The following KPNA5 variants were observed in gnomAD, a reference collection of about 807,000 sequenced individuals.
KPNA5 encodes karyopherin subunit alpha 5, also known as importin subunit alpha-6.
KPNA5 carries 46 observed loss-of-function variants against 71.3 expected under a neutral mutation model. That is an observed-to-expected ratio of 0.65 (90% CI 0.51 to 0.83). The LOEUF is 0.83. Among genes scored for constraint, KPNA5 ranks in the 40% least tolerant of loss-of-function variants. KPNA5 has a pLI of 0.00. For missense variants in KPNA5, 547 were observed against 628.3 expected, an observed-to-expected ratio of 0.87 and a Z score of 1.38; for synonymous variants, 207 against 201.4, an observed-to-expected ratio of 1.03 and a Z score of -0.24.
Position 116,689,290 on chromosome 6 carries a change from G to A in KPNA5, c.5-30G>A, listed in dbSNP as rs1443812332. On this transcript the variant is annotated intron_variant, in intron 1 of 13. Coordinates refer to ENST00000368564, the MANE Select transcript of KPNA5 (RefSeq NM_001366306.2). ...GTTGTTTTGAGAGAGTGAGTTATCA[G>A]TGTCTGTTTTCTTTTCTCCTTCCTT... is the stretch of plus-strand genomic sequence containing the variant. 4 of 1,593,686 alleles carry A rather than the reference G, an allele frequency of 2.5e-6. No individual in the cohort carries two copies. The African/African-American group carries it at 5.4e-5, about 22-fold the overall frequency.
rs1053262064 is a variant in KPNA5 at position 116,740,419 on chromosome 6, T to G, written c.*8096T>G. ...TGGGACTGTAAACTAGTTCAAGCAT[T>G]GTGGAAGTCAGTTTGGCGATTCCTC... On this transcript the variant is annotated 3_prime_UTR_variant, in exon 14 of 14. Coordinates refer to ENST00000368564, the MANE Select transcript of KPNA5 (RefSeq NM_001366306.2). 1 of 152,180 alleles carries G rather than the reference T, an allele frequency of 6.6e-6. No individual in the cohort carries two copies. Among genetic ancestry groups the G allele is most frequent in the African/African-American group, 2.4e-5 (1 of 41,432 alleles). The allele number at this position is 152,180 out of a possible 1,614,324, so 9.4% of individuals were successfully genotyped here. A position where few individuals can be genotyped will look rare whatever the true frequency, so the allele number is the denominator to read the frequency against.
Position 116,726,483 on chromosome 6 carries a change from T to C in KPNA5, c.1126-12T>C. 3.1e-6 allele frequency: 5 copies of C among 1,604,346 alleles called. No homozygotes were observed. The highest frequency in any genetic ancestry group is 1.1e-5 in the South Asian group (1 of 89,852). On this transcript the variant is annotated splice_polypyrimidine_tract_variant and intron_variant, in intron 11 of 13. Transcript: ENST00000368564. ...AGTATTTGTACTGATTATATATTTTTCCCCCTCTCAGGCTGTTATAGATGC... is the reference window on the plus strand; with the variant it reads ...AGTATTTGTACTGATTATATATTTTCCCCCCTCTCAGGCTGTTATAGATGC...
chr6:116,701,937 T>C (rs1778245698), intron 5 of KPNA5, 82 bp from the exon 6 acceptor site: 2 of 1,306,752 alleles, frequency 1.5e-6, no homozygotes, highest in Admixed American at 2.2e-5. Context: ...TCCTGGCAGG[T>C]CTTTACTCCC....
At chr6:116,724,503 G>T in intron 10 of KPNA5, 128 bp downstream of exon 10, 1 of 583,940 alleles carries the variant, frequency 1.7e-6, no homozygotes, top group Non-Finnish European at 3.1e-6. Flanking sequence ...GTCTGTATCT[G>T]TGTCTTGGAG....
chr6:116,681,479 C>A, intron 1 of KPNA5, 141 bp downstream of exon 1: 4 of 1,386,474 alleles, frequency 2.9e-6, no homozygotes, highest in South Asian at 1.7e-5. Flanking sequence ...GGGTGTTTCT[C>A]GTGTTTTCCC....
chr6:116,692,468 A>T (rs566714092), intron 4 of KPNA5, 76 bp downstream of exon 4: 60 of 858,420 alleles, frequency 7.0e-5, no homozygotes, highest in African/African-American at 2.3e-4. Context: ...GTTTTTTTTT[A>T]AATTTTAAAA....
rs1254697139 is a variant in KPNA5, at chr6:116,739,883, C to G, written c.*7560C>G. On this transcript the variant is annotated 3_prime_UTR_variant, in exon 14 of 14. Coordinates refer to ENST00000368564, the MANE Select transcript of KPNA5 (RefSeq NM_001366306.2). ...AAAGACTTAAACATTAGACCAAAAA[C>G]CATAAAAACCCTAGAAGAAAACCTA... is the stretch of plus-strand genomic sequence containing the variant. 1.3e-5 allele frequency: 2 copies of G among 151,886 alleles called. No individual in the cohort carries two copies. The highest frequency in any genetic ancestry group is 2.4e-5 in the African/African-American group (1 of 41,270). 9.4% of individuals were successfully genotyped at this position (151,886 alleles called of 1,614,324 possible).
chr6:116,717,113 C>G (rs543116324), intron 8 of KPNA5, among the ~76,000 whole-genome samples: 2 of 151,970 alleles, frequency 1.3e-5, no homozygotes, highest in Non-Finnish European at 2.9e-5. Flanking sequence ...CCCTTTTAAC[C>G]GAGGTGAAGA....
intron 7 of KPNA5, among the ~76,000 whole-genome samples, chr6:116,709,962 T>C (rs1778591337): frequency 1.3e-5 from 2 of 152,114 alleles, no homozygotes; most frequent in African/African-American, 4.8e-5. Context: ...GGTTTCACCA[T>C]GTTGGCCAGG....
At chr6:116,681,838 A>G (rs1249847829) in intron 1 of KPNA5, among the ~76,000 whole-genome samples, 2 of 152,048 alleles carry the variant, frequency 1.3e-5, no homozygotes, top group Admixed American at 6.5e-5. Flanking sequence ...ATTCCCGACG[A>G]CAAGGCAAGC....
intron 1 of KPNA5, among the ~76,000 whole-genome samples, chr6:116,686,704 C>G (rs752220379): frequency 6.6e-6 from 1 of 151,984 alleles, no homozygotes; most frequent in African/African-American, 2.4e-5. Context: ...TAATCCATCT[C>G]GAGTTATTTT....
intron 2 of KPNA5, among the ~76,000 whole-genome samples, chr6:116,691,007 T>G (rs932248605): frequency 6.6e-6 from 1 of 152,090 alleles, no homozygotes; most frequent in Non-Finnish European, 1.5e-5. Flanking sequence ...GGTGGGCGGG[T>G]CACCTGAGGT....
At chr6:116,681,664 A>G (rs759742133) in intron 1 of KPNA5, 74 of 542,674 alleles carry the variant, frequency 1.4e-4, no homozygotes, top group Non-Finnish European at 1.7e-4. Flanking sequence ...GGAATTGCCA[A>G]ACGTTGCCAC....
At chr6:116,713,644 T>G (rs1309597079) in intron 7 of KPNA5, among the ~76,000 whole-genome samples, 1 of 152,192 alleles carries the variant, frequency 6.6e-6, no homozygotes, top group Non-Finnish European at 1.5e-5. Flanking sequence ...GCTCCTTTTC[T>G]TCTTGGATTT....
In KPNA5 at chr6:116,733,943, AAACCT is replaced by A. The variant is rs1401507980; in HGVS notation, c.*1622_*1626del. On this transcript the variant is annotated 3_prime_UTR_variant, in exon 14 of 14. Coordinates refer to ENST00000368564, the MANE Select transcript of KPNA5 (RefSeq NM_001366306.2). ...AACTAAGCTTTTGACAAGATACTTA[AAACCT>A]ACAGCTGTAAAATACAGGTTTAAAT... 9 of 151,774 alleles carry A rather than the reference AAACCT, an allele frequency of 5.9e-5. No homozygotes were observed. The highest frequency in any genetic ancestry group is 1.2e-4 in the African/African-American group (5 of 41,426). 9.4% of individuals were successfully genotyped at this position (151,774 alleles called of 1,614,324 possible). A position where few individuals can be genotyped will look rare whatever the true frequency, so the allele number is the denominator to read the frequency against.
chr6:116,716,214 G>A lies in KPNA5; in HGVS notation c.657-5G>A. On this transcript the variant is annotated splice_polypyrimidine_tract_variant and splice_region_variant and intron_variant, in intron 7 of 13. Coordinates refer to ENST00000368564, the MANE Select transcript of KPNA5 (RefSeq NM_001366306.2). ...GATAATTCTTTTTTTTCTTTTTCTT[G>A]GCAGGTTATTAACAAATTCAAACAG... 3.8e-6 allele frequency: 6 copies of A among 1,597,078 alleles called. No individual in the cohort carries two copies. Among genetic ancestry groups the A allele is most frequent in the Non-Finnish European group, 5.1e-6 (6 of 1,172,442 alleles).
At position 116,730,084 on chromosome 6, in the gene KPNA5, ATT is replaced by A. The variant is rs66651825; in HGVS notation, c.1432+362_1432+363del. ...TACTATATATATATAAAAATATGTAATTTTTTTTTTTTTTTTTTTTGAGACAC... is the reference window on the plus strand; with the variant it reads ...TACTATATATATATAAAAATATGTAATTTTTTTTTTTTTTTTTTGAGACAC... On this transcript the variant is annotated intron_variant, in intron 13 of 13. Coordinates refer to ENST00000368564, the MANE Select transcript of KPNA5 (RefSeq NM_001366306.2). Among the ~76,000 whole-genome samples the A allele has an allele frequency of 4.1e-3, 514 of 124,672 alleles. 11 individuals carry two copies. Among genetic ancestry groups the A allele is most frequent in the South Asian group, 0.038 (146 of 3,868 alleles). 81.8% of individuals were successfully genotyped at this position (124,672 alleles called of 152,430 possible). A position where few individuals can be genotyped will look rare whatever the true frequency, so the allele number is the denominator to read the frequency against.
At chr6:116,710,900 T>TATATATATATATATATAGA (rs57886109) in intron 7 of KPNA5, among the ~76,000 whole-genome samples, 1 of 107,820 alleles carries the variant, frequency 9.3e-6, no homozygotes, top group Non-Finnish European at 1.8e-5. Flanking sequence ...TATATTTTTT[T>TATATATATATATATATAGA]TTTTTTTTTT....
intron 8 of KPNA5, among the ~76,000 whole-genome samples, chr6:116,717,890 C>A (rs954866602): frequency 2.0e-5 from 3 of 152,038 alleles, no homozygotes; most frequent in African/African-American, 4.8e-5. Context: ...AGTGTGCCCC[C>A]CCCACCGCCA....
Sources: allele counts gnomAD v4.1 joint callset (sites outside exome capture counted in the v4.1 genomes callset), GRCh38; gene constraint gnomAD v4.1.1; transcripts MANE v1.5; gene names NCBI Gene and HGNC (gene_info 2026-07-23, HGNC 2026-07-21).